HCN1: variants seen among roughly 807,000 people sequenced by gnomAD.
HCN1 encodes the protein hyperpolarization activated cyclic nucleotide gated potassium channel 1.
In HCN1, 13 loss-of-function variants were observed where a neutral mutation model predicts 78.9. The ratio of observed to expected loss-of-function variants is 0.16; its 90% CI spans 0.11 to 0.26. The LOEUF (loss-of-function observed/expected upper bound fraction) is 0.26. Ranked by LOEUF, HCN1 falls within the 10% of genes least tolerant of loss-of-function variation. HCN1 has a pLI of 1.00. For synonymous variants in HCN1, 552 were observed against 455.5 expected (o/e 1.21, Z -2.70); for missense variants, 810 against 1,154.3 (o/e 0.70, Z 4.32).
intron 5 of HCN1, among the ~76,000 whole-genome samples, chr5:45,334,682 T>G (rs559606866): frequency 6.6e-6 from 1 of 152,016 alleles, no homozygotes; most frequent in African/African-American, 2.4e-5. Context: ...GTTTGTTTTA[T>G]AGAATGCAGA....
chr5:45,688,196 A>C (rs558602101), intron 1 of HCN1, among the ~76,000 whole-genome samples: 1 of 152,238 alleles, frequency 6.6e-6, no homozygotes, highest in South Asian at 2.1e-4. Flanking sequence ...TGACTTCAAG[A>C]GGGAGGAAGT....
chr5:45,318,632 A>G (rs1009424185), intron 5 of HCN1, among the ~76,000 whole-genome samples: 4 of 151,808 alleles, frequency 2.6e-5, no homozygotes, highest in African/African-American at 9.7e-5. Flanking sequence ...GTATTTGCTT[A>G]CAGCAGTCCT....
intron 2 of HCN1, among the ~76,000 whole-genome samples, chr5:45,527,843 T>G (rs763779624): frequency 6.6e-6 from 1 of 151,894 alleles, no homozygotes; most frequent in Non-Finnish European, 1.5e-5. Context: ...AGTCAATAAA[T>G]GTTTAGTGGT....
chr5:45,338,749 T>G (rs188202562), intron 5 of HCN1, among the ~76,000 whole-genome samples: 2 of 152,300 alleles, frequency 1.3e-5, no homozygotes, highest in Admixed American at 6.5e-5. Context: ...TCACTGTGAC[T>G]TGAATGTAGT....
At chr5:45,353,566 T>G (rs764636960) in intron 4 of HCN1, among the ~76,000 whole-genome samples, 5 of 152,084 alleles carry the variant, frequency 3.3e-5, no homozygotes, top group African/African-American at 4.8e-5. Flanking sequence ...AATGTTATGC[T>G]ATTTTTTTAA....
intron 4 of HCN1, among the ~76,000 whole-genome samples, chr5:45,362,855 T>C (rs985023340): frequency 6.6e-6 from 1 of 152,014 alleles, no homozygotes; most frequent in African/African-American, 2.4e-5. Context: ...TGATCACAAG[T>C]AGCCCTCTAC....
chr5:45,332,955 G>C (rs1326334929), intron 5 of HCN1, among the ~76,000 whole-genome samples: 2 of 151,720 alleles, frequency 1.3e-5, no homozygotes, highest in Non-Finnish European at 2.9e-5. Flanking sequence ...AAACATGGAA[G>C]TGCAGATATC....
intron 5 of HCN1, among the ~76,000 whole-genome samples, chr5:45,329,155 G>A (rs773019707): frequency 6.6e-6 from 1 of 151,290 alleles, no homozygotes; most frequent in African/African-American, 2.4e-5. Flanking sequence ...CCATTCATAA[G>A]TATACAATTT....
At chr5:45,537,523 CTTTTTTT>C (rs71000638) in intron 2 of HCN1, among the ~76,000 whole-genome samples, 7 of 25,742 alleles carry the variant, frequency 2.7e-4, no homozygotes, top group African/African-American at 6.6e-4. Flanking sequence ...AACTCTAAGT[CTTTTTTT>C]TTTTTTTTTT....
At chr5:45,678,955 A>G (rs986256382) in intron 1 of HCN1, among the ~76,000 whole-genome samples, 1 of 152,030 alleles carries the variant, frequency 6.6e-6, no homozygotes, top group Non-Finnish European at 1.5e-5. Context: ...AATTGTAGCC[A>G]ATCTTTGACT....
chr5:45,407,175 T>C (rs1240411919), intron 3 of HCN1, among the ~76,000 whole-genome samples: 2 of 152,128 alleles, frequency 1.3e-5, no homozygotes, highest in East Asian at 3.9e-4. Context: ...TGATGGACCG[T>C]ACATTCAGCA....
intron 2 of HCN1, among the ~76,000 whole-genome samples, chr5:45,554,779 G>A (rs1172680538): frequency 6.6e-6 from 1 of 151,734 alleles, no homozygotes; most frequent in African/African-American, 2.4e-5. Context: ...ACCTTAAAAT[G>A]TGGTTATCTG....
chr5:45,640,450 T>G (rs1035462037), intron 2 of HCN1, among the ~76,000 whole-genome samples: 32 of 152,280 alleles, frequency 2.1e-4, no homozygotes, highest in African/African-American at 7.2e-4. Context: ...TAATAAAGCA[T>G]TAGTAACCAA....
At chr5:45,680,679 A>T (rs1334058171) in intron 1 of HCN1, among the ~76,000 whole-genome samples, 1 of 152,144 alleles carries the variant, frequency 6.6e-6, no homozygotes, top group East Asian at 1.9e-4. Flanking sequence ...ATAATATTGT[A>T]CTGTCCTTTA....
chr5:45,589,652 T>C (rs1293401295), intron 2 of HCN1, among the ~76,000 whole-genome samples: 2 of 152,236 alleles, frequency 1.3e-5, no homozygotes, highest in East Asian at 3.8e-4. Context: ...CCTTGTCCTA[T>C]ATGTGCTTTC....
At chr5:45,406,018 T>A (rs1230866117) in intron 3 of HCN1, among the ~76,000 whole-genome samples, 1 of 152,126 alleles carries the variant, frequency 6.6e-6, no homozygotes, top group East Asian at 1.9e-4. Context: ...TATCACAGAT[T>A]TTTTCTTATT....
chr5:45,374,226 T>C (rs1168797324), intron 4 of HCN1, among the ~76,000 whole-genome samples: 1 of 118,296 alleles, frequency 8.5e-6, no homozygotes, highest in Non-Finnish European at 1.8e-5. Flanking sequence ...ATGTACATTA[T>C]ATACATAACA....
intron 5 of HCN1, among the ~76,000 whole-genome samples, chr5:45,335,404 T>C (rs759414249): frequency 5.9e-5 from 9 of 152,094 alleles, no homozygotes; most frequent in Non-Finnish European, 1.2e-4. Flanking sequence ...ATGAGTCTTA[T>C]GATTCTAACA....
At chr5:45,328,241 C>A (rs1287210579) in intron 5 of HCN1, among the ~76,000 whole-genome samples, 1 of 151,300 alleles carries the variant, frequency 6.6e-6, no homozygotes, top group Non-Finnish European at 1.5e-5. Context: ...GTTTGCGGTG[C>A]CACAGCAAAA....
Sources: gnomAD v4.1 joint callset for allele counts (sites outside exome capture counted in the v4.1 genomes callset) on GRCh38, gnomAD v4.1.1 for gene constraint, MANE v1.5 for transcripts, NCBI Gene and HGNC (gene_info 2026-07-23, HGNC 2026-07-21) for gene names.